The following KLRG1 variants were observed in gnomAD, a reference collection of about 807,000 sequenced individuals.
The protein encoded by KLRG1 is killer cell lectin-like receptor subfamily G member 1.
In KLRG1, 16 loss-of-function variants were observed where a neutral mutation model predicts 21.8. The observed-to-expected ratio is 0.73, with a 90% CI of 0.50 to 1.11. KLRG1 has a LOEUF of 1.11. KLRG1 is among the 50% of genes most tolerant of loss of function. The pLI is 0.00. For synonymous variants in KLRG1, 69 were observed against 75.9 expected (o/e 0.91, Z 0.47); for missense variants, 173 against 218.3 (o/e 0.79, Z 1.31).
At chr12:9,127,467 ATTTCCG>A in the KLRG1 span, among the ~76,000 whole-genome samples, 1 of 152,186 alleles carries the variant, frequency 6.6e-6, no homozygotes, top group Non-Finnish European at 1.5e-5. Flanking sequence ...TGCAATTAAA[ATTTCCG>A]ATTCCTCCTG....
Position 8,995,139 on chromosome 12 carries a change from G to A in KLRG1, c.208G>A (p.Ala70Thr), listed in dbSNP as rs140718255. Residue 70 changes from alanine to threonine, a missense_variant, in exon 3 of 5, where the codon GCC (alanine) becomes ACC (threonine). This residue lies in a region of KLRG1 where 144 missense variants were observed against 161.5 expected (regional missense o/e 0.89). Coordinates refer to ENST00000356986, the MANE Select transcript of KLRG1 (RefSeq NM_005810.4). ...LCQGSNYSTCASCPSCPDRWM... is the reference protein window; with the variant it reads ...LCQGSNYSTCTSCPSCPDRWM... ...CCTAGGCTCCAACTACTCCACTTGT[G>A]CCAGCTGTCCTAGCTGCCCAGACCG... 1.8e-5 allele frequency: 29 copies of A among 1,607,024 alleles called. No individual in the cohort carries two copies. Among genetic ancestry groups the A allele is most frequent in the Non-Finnish European group, 2.4e-5 (28 of 1,177,420 alleles).
At chr12:9,143,395 G>C in the KLRG1 span, among the ~76,000 whole-genome samples, 12 of 152,104 alleles carry the variant, frequency 7.9e-5, no homozygotes, top group African/African-American at 2.9e-4. Flanking sequence ...TGGGGCTGAG[G>C]GTTCGGACAG....
At chr12:9,007,654 A>C (rs983045964) in intron 3 of KLRG1, among the ~76,000 whole-genome samples, 1 of 152,228 alleles carries the variant, frequency 6.6e-6, no homozygotes, top group Non-Finnish European at 1.5e-5. Context: ...AGCAGAGCCC[A>C]TAAATGTTTA....
chr12:9,139,600 T>C, the KLRG1 span, among the ~76,000 whole-genome samples: 2 of 152,234 alleles, frequency 1.3e-5, no homozygotes, highest in African/African-American at 4.8e-5. Flanking sequence ...TTTATATATT[T>C]AGGTGTTCTA....
the KLRG1 span, among the ~76,000 whole-genome samples, chr12:9,171,958 C>T: frequency 6.6e-6 from 1 of 152,178 alleles, no homozygotes; most frequent in Non-Finnish European, 1.5e-5. Context: ...CCTAGCAAGA[C>T]AGGCCAACAT....
chr12:9,091,748 C>G, the KLRG1 span, among the ~76,000 whole-genome samples: 4 of 152,274 alleles, frequency 2.6e-5, no homozygotes, highest in East Asian at 7.7e-4. Flanking sequence ...ATTTTAAATT[C>G]TACTACTATT....
At chr12:9,087,098 A>G in the KLRG1 span, among the ~76,000 whole-genome samples, 38 of 152,026 alleles carry the variant, frequency 2.5e-4, no homozygotes, top group African/African-American at 8.4e-4. Context: ...TGAAAATTAT[A>G]AAACACTGAT....
intron 1 of KLRG1, among the ~76,000 whole-genome samples, chr12:8,974,657 G>T (rs1946627935): frequency 6.6e-6 from 1 of 152,060 alleles, no homozygotes; most frequent in African/African-American, 2.4e-5. Context: ...ATGTTAATGT[G>T]GTGTATTACA....
intron 1 of KLRG1, among the ~76,000 whole-genome samples, chr12:8,991,423 G>T (rs1024601605): frequency 2.6e-5 from 4 of 152,094 alleles, no homozygotes; most frequent in African/African-American, 9.7e-5. Flanking sequence ...TAAATTTTAT[G>T]TATTTCAATT....
the KLRG1 span, chr12:9,055,570 A>G: frequency 6.6e-6 from 1 of 152,330 alleles, no homozygotes; most frequent in Admixed American, 6.5e-5. Flanking sequence ...TTTGCATTAA[A>G]TGAAGAAGGA....
At chr12:9,058,424 T>C in the KLRG1 span, 3 of 152,188 alleles carry the variant, frequency 2.0e-5, no homozygotes, top group African/African-American at 7.2e-5. Context: ...ATCTGAAGTA[T>C]ACAGAAATAT....
chr12:9,068,188 C>T, the KLRG1 span: 1 of 1,612,066 alleles, frequency 6.2e-7, no homozygotes, highest in Non-Finnish European at 8.5e-7. Context: ...CTTACCTTTG[C>T]TGCAAGGAGC....
the KLRG1 span, among the ~76,000 whole-genome samples, chr12:9,142,242 AG>A: frequency 3.7e-4 from 57 of 152,328 alleles, 2 homozygotes; most frequent in African/African-American, 1.3e-3. Flanking sequence ...CAAAATTAGA[AG>A]TTAGGGTATT....
chr12:9,102,422 C>A, the KLRG1 span, among the ~76,000 whole-genome samples: 1 of 152,044 alleles, frequency 6.6e-6, no homozygotes, highest in Non-Finnish European at 1.5e-5. Context: ...CACCACGTTG[C>A]CTAGGCTCGT....
intron 1 of KLRG1, among the ~76,000 whole-genome samples, chr12:8,954,559 T>G (rs1946257565): frequency 6.6e-6 from 1 of 152,046 alleles, no homozygotes; most frequent in Admixed American, 6.6e-5. Flanking sequence ...TTTGTGGTTC[T>G]CTTACCCTTA....
chr12:9,096,049 G>A, the KLRG1 span, among the ~76,000 whole-genome samples: 9 of 152,150 alleles, frequency 5.9e-5, no homozygotes, highest in Non-Finnish European at 8.8e-5. Context: ...GTGAGCCACC[G>A]CGCCCGGCCT....
At chr12:9,156,877 T>G in the KLRG1 span, among the ~76,000 whole-genome samples, 1 of 152,070 alleles carries the variant, frequency 6.6e-6, no homozygotes, top group Non-Finnish European at 1.5e-5. Flanking sequence ...CACCTTTTTT[T>G]GCACAGTTTT....
At chr12:9,012,320 A>G (rs1163183039), downstream of KLRG1, among the ~76,000 whole-genome samples, 1 of 152,130 alleles carries the variant, frequency 6.6e-6, no homozygotes, top group Non-Finnish European at 1.5e-5. Flanking sequence ...GCAGAGTCCT[A>G]AGGTCCCTAT....
chr12:9,066,365 G>A, the KLRG1 span: 5 of 152,392 alleles, frequency 3.3e-5, no homozygotes, highest in African/African-American at 1.2e-4. Context: ...TGCTTGTGAT[G>A]CGCCTGGTCC....
Sources: gnomAD v4.1 joint callset for allele counts (sites outside exome capture counted in the v4.1 genomes callset) on GRCh38, gnomAD v4.1.1 for gene constraint, gnomAD v4.1.1 regional missense constraint, MANE v1.5 for transcripts, NCBI Gene and HGNC (gene_info 2026-07-23, HGNC 2026-07-21) for gene names.